Variants in ARHGEF16 observed in about 807,000 individuals in gnomAD.
ARHGEF16 encodes Rho guanine exchange factor (GEF) 16.
A neutral mutation model predicts 74.1 loss-of-function variants in ARHGEF16; 59 were observed. The observed-to-expected ratio is 0.80, with a 90% CI of 0.65 to 0.99. The LOEUF is 0.99. Ranked by LOEUF, ARHGEF16 falls within the 50% of genes least tolerant of loss-of-function variation. The pLI, the probability that ARHGEF16 is intolerant of heterozygous loss-of-function variation, is 0.00. For synonymous variants in ARHGEF16, 415 were observed against 412.6 expected, an observed-to-expected ratio of 1.01 and a Z score of -0.07; for missense variants, 948 against 986.6, an observed-to-expected ratio of 0.96 and a Z score of 0.52.
intron 8 of ARHGEF16, 38 bp from the exon 9 acceptor site, chr1:3,474,670 A>G (rs752098657): frequency 3.1e-6 from 5 of 1,593,536 alleles, no homozygotes; most frequent in Non-Finnish European, 3.4e-6. Context: ...CTGGGATGCC[A>G]GAGGGGACTT....
chr1:3,459,545 C>T (rs981268748), intron 1 of ARHGEF16, among the ~76,000 whole-genome samples: 3 of 152,206 alleles, frequency 2.0e-5, no homozygotes, highest in South Asian at 2.1e-4. Context: ...AGAGGGGCCC[C>T]GGAAGCAGCA....
At position 3,477,860 on chromosome 1, in the gene ARHGEF16, G is replaced by A; in HGVS notation, c.1474-15G>A. ...CCCTCGCACTGATCTCCGCCTCCCG[G>A]CTCTGTCCCCCCAGTCCCTCCCACT... On this transcript the variant is annotated splice_polypyrimidine_tract_variant and intron_variant, in intron 10 of 14. Transcript: ENST00000378378. 1.2e-6 allele frequency: 2 copies of A among 1,602,366 alleles called. No homozygotes were observed. Among genetic ancestry groups the A allele is most frequent in the Non-Finnish European group, 8.5e-7 (1 of 1,171,496 alleles).
chr1:3,475,845 T>G (rs1639853954), intron 9 of ARHGEF16, 125 bp from the exon 10 acceptor site: 1 of 881,882 alleles, frequency 1.1e-6, no homozygotes, highest in South Asian at 1.8e-5. Context: ...GCACGGCTGG[T>G]CCAGGGCAGG....
At chr1:3,458,188 C>T (rs1357776464) in intron 1 of ARHGEF16, among the ~76,000 whole-genome samples, 1 of 152,234 alleles carries the variant, frequency 6.6e-6, no homozygotes, top group African/African-American at 2.4e-5. Context: ...GAACAGGAAA[C>T]TGTCCCTGCC....
chr1:3,480,791 C>T lies in ARHGEF16; in HGVS notation c.*204C>T. 1.4e-6 allele frequency: 1 copy of T among 707,178 alleles called. No individual in the cohort carries two copies. Among genetic ancestry groups the T allele is most frequent in the Non-Finnish European group, 2.3e-6 (1 of 439,246 alleles). The allele number at this position is 707,178 out of a possible 1,614,324, so 43.8% of individuals were successfully genotyped here. A position where few individuals can be genotyped will look rare whatever the true frequency, so the allele number is the denominator to read the frequency against. ...CCCCAGAGAGGCACCCCCAGGCAAG[C>T]TCGAGGGGGCCACACCGTGTCCCAG... On this transcript the variant is annotated 3_prime_UTR_variant, in exon 15 of 15. Transcript: ENST00000378378.
intron 6 of ARHGEF16, 22 bp downstream of exon 6, chr1:3,469,615 C>A: frequency 6.2e-7 from 1 of 1,611,934 alleles, no homozygotes; most frequent in Non-Finnish European, 8.5e-7. Flanking sequence ...CCACAGCCTT[C>A]CACACAGGGT....
chr1:3,467,486 G>A lies in ARHGEF16; in HGVS notation c.804+149G>A, dbSNP rs558429993. 2.3e-4 allele frequency: 224 copies of A among 970,594 alleles called. No individual in the cohort carries two copies. The East Asian group carries it at 2.6e-3, about 11-fold the overall frequency. The allele number at this position is 970,594 out of a possible 1,614,324, so 60.1% of individuals were successfully genotyped here. On this transcript the variant is annotated intron_variant, in intron 4 of 14. Coordinates refer to ENST00000378378, the MANE Select transcript of ARHGEF16 (RefSeq NM_014448.4). Reference sequence around the variant, plus strand: ...TGGGCAGCCTTCCCAGAAGCCCCTCGGCTGTGGGTGGCAGACCTGGGGGTC... The same window carrying A: ...TGGGCAGCCTTCCCAGAAGCCCCTCAGCTGTGGGTGGCAGACCTGGGGGTC...
intron 1 of ARHGEF16, among the ~76,000 whole-genome samples, chr1:3,459,933 G>GCA (rs1238984623): frequency 6.6e-6 from 1 of 152,226 alleles, no homozygotes; most frequent in Non-Finnish European, 1.5e-5. Flanking sequence ...GAAAAGCTGA[G>GCA]GAGCCCAGAG....
At chr1:3,466,983 G>T (rs1639564582) in intron 3 of ARHGEF16, 185 bp from the exon 4 acceptor site, 1 of 583,560 alleles carries the variant, frequency 1.7e-6, no homozygotes, top group Non-Finnish European at 2.9e-6. Context: ...CATTTCAGGT[G>T]GGACTTGTGG....
chr1:3,469,659 C>A (rs965820876), intron 6 of ARHGEF16, 66 bp downstream of exon 6: 2 of 1,591,018 alleles, frequency 1.3e-6, no homozygotes, highest in Non-Finnish European at 1.7e-6. Flanking sequence ...CCCGTGGGCA[C>A]CGCACTGTCA....
chr1:3,477,947 CT>C lies in ARHGEF16; in HGVS notation c.1551del (p.Arg518GlufsTer20). On this transcript the variant is annotated frameshift_variant, in exon 11 of 15. Transcript: ENST00000378378. LOFTEE classifies it high-confidence loss of function. ...GELFLVEETGLFRKIASRPTC... is the reference protein window; with the variant it reads ...GELFLVEETGXFRKIASRPTC... ...GCTGTTCTTAGTGGAAGAAACCGGA[CT>C]TTTTCGAAAAATTGCCAGCCGGCCA... The C allele has an allele frequency of 1.2e-6, 2 of 1,612,704 alleles. No individual in the cohort carries two copies. The highest frequency in any genetic ancestry group is 1.7e-6 in the Non-Finnish European group (2 of 1,179,918).
At position 3,469,335 on chromosome 1, in the gene ARHGEF16, C is replaced by T. The variant is rs1055811843; in HGVS notation, c.862-98C>T. 8 of 1,446,548 alleles carry T rather than the reference C, an allele frequency of 5.5e-6. No individual in the cohort carries two copies. The African/African-American group carries it at 7.0e-5, about 13-fold the overall frequency. The allele number at this position is 1,446,548 out of a possible 1,614,324, so 89.6% of individuals were successfully genotyped here. A position where few individuals can be genotyped will look rare whatever the true frequency, so the allele number is the denominator to read the frequency against. On this transcript the variant is annotated intron_variant, in intron 5 of 14. Transcript: ENST00000378378. ...CTGGGGTTCCTGTCCCCACCTGCCC[C>T]TGCCACCCGGGTCACGTCCTCCTGT... is the stretch of plus-strand genomic sequence containing the variant.
At chr1:3,470,716 T>C (rs1234433642) in intron 6 of ARHGEF16, among the ~76,000 whole-genome samples, 5 of 150,526 alleles carry the variant, frequency 3.3e-5, no homozygotes, top group Admixed American at 2.6e-4. Flanking sequence ...TGGCTGTGTG[T>C]GCGTGGTCAG....
intron 4 of ARHGEF16, among the ~76,000 whole-genome samples, chr1:3,468,318 C>G (rs555603004): frequency 1.2e-4 from 18 of 152,224 alleles, no homozygotes; most frequent in African/African-American, 4.1e-4. Flanking sequence ...TGGCCTGAGT[C>G]CTGCAGAGGG....
chr1:3,469,310 C>T, intron 5 of ARHGEF16, 123 bp from the exon 6 acceptor site: 1 of 1,132,522 alleles, frequency 8.8e-7, no homozygotes. Flanking sequence ...AGGGGTGTGT[C>T]TGGGGTTCCT....
rs756484282 is a variant in ARHGEF16 at position 3,480,436 on chromosome 1, A to C, written c.1991-12A>C. On this transcript the variant is annotated splice_polypyrimidine_tract_variant and intron_variant, in intron 14 of 14. Transcript: ENST00000378378. The stretch of plus-strand genomic sequence containing the variant: ...TTCCCCTCACCTCCCTCCCACCCCT[A>C]TCCGGGTTCAGGGTGGCTCTATGGC... The C allele has an allele frequency of 6.2e-7, 1 of 1,612,042 alleles. No individual in the cohort carries two copies.
intron 1 of ARHGEF16, among the ~76,000 whole-genome samples, chr1:3,459,350 A>G (rs186939484): frequency 1.3e-5 from 2 of 152,332 alleles, no homozygotes; most frequent in South Asian, 2.1e-4. Flanking sequence ...AACTCTGACA[A>G]CAAGGGAAGG....
At chr1:3,459,969 T>C (rs12059504) in intron 1 of ARHGEF16, among the ~76,000 whole-genome samples, 5,523 of 152,222 alleles carry the variant, frequency 0.036, 145 homozygotes, top group African/African-American at 0.071. Flanking sequence ...ATCAGGGCAG[T>C]GTGGAAGAGG....
intron 2 of ARHGEF16, among the ~76,000 whole-genome samples, chr1:3,465,479 G>A (rs1639515798): frequency 1.3e-5 from 2 of 152,156 alleles, no homozygotes; most frequent in South Asian, 4.1e-4. Context: ...GGTGGGGTGC[G>A]GGGCACGGGG....
Sources: gnomAD v4.1 joint callset for allele counts (sites outside exome capture counted in the v4.1 genomes callset) on GRCh38, gnomAD v4.1.1 for gene constraint, MANE v1.5 for transcripts, NCBI Gene and HGNC (gene_info 2026-07-23, HGNC 2026-07-21) for gene names.